Variants in ITFG1 observed in about 807,000 individuals in gnomAD.
ITFG1 encodes the protein integrin alpha FG-GAP repeat containing 1, also known as T-cell immunomodulatory protein.
In ITFG1, 34 loss-of-function variants were observed where a neutral mutation model predicts 81.8. The ratio of observed to expected loss-of-function variants is 0.42; its 90% CI spans 0.32 to 0.55. The LOEUF is 0.55. Among genes scored for constraint, ITFG1 ranks in the 20% least tolerant of loss-of-function variants. ITFG1 has a pLI of 0.17. For missense variants in ITFG1, 672 were observed against 755.4 expected (o/e 0.89, Z 1.29); for synonymous variants, 285 against 270.6 (o/e 1.05, Z -0.52).
At chr16:47,252,585 G>C (rs1244915436) in intron 12 of ITFG1, among the ~76,000 whole-genome samples, 1 of 152,202 alleles carries the variant, frequency 6.6e-6, no homozygotes, top group Non-Finnish European at 1.5e-5. Flanking sequence ...TGATTCAGGG[G>C]AGAGGGGACC....
chr16:47,188,773 G>GAA (rs112805222), intron 14 of ITFG1, among the ~76,000 whole-genome samples: 3 of 148,290 alleles, frequency 2.0e-5, no homozygotes, highest in Non-Finnish European at 3.0e-5. Flanking sequence ...AGTATAATAA[G>GAA]AAAAAAAAAA....
intron 13 of ITFG1, among the ~76,000 whole-genome samples, chr16:47,222,742 G>C (rs1044206445): frequency 6.6e-6 from 1 of 152,174 alleles, no homozygotes; most frequent in East Asian, 1.9e-4. Context: ...CTGAGTTCTA[G>C]TTTGATTGCA....
intron 10 of ITFG1, among the ~76,000 whole-genome samples, chr16:47,289,877 A>G (rs970145556): frequency 2.2e-4 from 33 of 151,802 alleles, no homozygotes; most frequent in East Asian, 3.9e-4. Flanking sequence ...CATTCCTCCA[A>G]CTAACTTGGG....
intron 10 of ITFG1, among the ~76,000 whole-genome samples, chr16:47,304,161 A>G (rs188827916): frequency 2.2e-4 from 33 of 152,344 alleles, no homozygotes; most frequent in Admixed American, 1.8e-3. Flanking sequence ...TAATCTGTGT[A>G]GTCTACAGTC....
chr16:47,451,487 A>G lies in ITFG1; in HGVS notation c.486-17T>C, dbSNP rs1227492405. Reference sequence around the variant, plus strand: ...CCATTGAAACTGAAAAAAAATTAAAACAATAAGCAGCTATTTCTTTAAATT... The same window carrying G: ...CCATTGAAACTGAAAAAAAATTAAAGCAATAAGCAGCTATTTCTTTAAATT... On this transcript the variant is annotated splice_polypyrimidine_tract_variant and intron_variant, in intron 4 of 17. Transcript: ENST00000320640. 4.6e-6 allele frequency: 6 copies of G among 1,306,036 alleles called. No individual in the cohort carries two copies. The highest frequency in any genetic ancestry group is 4.4e-5 in the African/African-American group (3 of 67,762). 80.9% of individuals were successfully genotyped at this position (1,306,036 alleles called of 1,614,324 possible). A position where few individuals can be genotyped will look rare whatever the true frequency, so the allele number is the denominator to read the frequency against.
At chr16:47,424,646 G>A (rs1358340079) in intron 6 of ITFG1, among the ~76,000 whole-genome samples, 2 of 152,158 alleles carry the variant, frequency 1.3e-5, no homozygotes, top group Non-Finnish European at 2.9e-5. Context: ...TCATGTTGAT[G>A]CTATTCCTTT....
chr16:47,239,797 G>A (rs746140436), intron 12 of ITFG1, among the ~76,000 whole-genome samples: 1 of 152,122 alleles, frequency 6.6e-6, no homozygotes, highest in East Asian at 1.9e-4. Flanking sequence ...AGTTTAGGTA[G>A]ATATTGGTAC....
intron 12 of ITFG1, among the ~76,000 whole-genome samples, chr16:47,258,179 T>A (rs1966161379): frequency 6.6e-6 from 1 of 152,202 alleles, no homozygotes; most frequent in African/African-American, 2.4e-5. Context: ...CAGGTGAACA[T>A]CATGTGCTTC....
At chr16:47,362,505 T>C (rs1298477883) in intron 8 of ITFG1, among the ~76,000 whole-genome samples, 1 of 152,260 alleles carries the variant, frequency 6.6e-6, no homozygotes, top group African/African-American at 2.4e-5. Context: ...CATTTGTTCA[T>C]CTGTTATTCA....
rs142717618 is a variant in ITFG1, at chr16:47,288,413, A to C, written c.1070+22827T>G. On this transcript the variant is annotated intron_variant, in intron 10 of 17. Transcript: ENST00000320640. ...AGAGCTGCAATAAACATGGGGGTAC[A>C]GGTATCCTTTTGATTTCCTTTCCTT... 7.5e-3 allele frequency among the ~76,000 whole-genome samples: 1,140 copies of C among 152,322 alleles called. 19 individuals are homozygous for C. The highest frequency in any genetic ancestry group is 0.026 in the African/African-American group (1,081 of 41,568).
chr16:47,248,253 C>G (rs1341973743), intron 12 of ITFG1, among the ~76,000 whole-genome samples: 2 of 152,144 alleles, frequency 1.3e-5, no homozygotes, highest in African/African-American at 4.8e-5. Context: ...CCTGAAACTT[C>G]AGAGACCAGC....
chr16:47,341,018 A>G (rs1967774469), intron 8 of ITFG1, among the ~76,000 whole-genome samples: 1 of 152,170 alleles, frequency 6.6e-6, no homozygotes. Context: ...GGAATGAAGC[A>G]AAAAAGCAAT....
At chr16:47,338,273 C>A (rs543765306) in intron 8 of ITFG1, among the ~76,000 whole-genome samples, 1 of 151,860 alleles carries the variant, frequency 6.6e-6, no homozygotes, top group African/African-American at 2.4e-5. Flanking sequence ...TGGCCAGGAG[C>A]GGTGGCAGGC....
chr16:47,363,434 A>T (rs1319552609), intron 8 of ITFG1, among the ~76,000 whole-genome samples: 4 of 151,996 alleles, frequency 2.6e-5, no homozygotes, highest in Non-Finnish European at 5.9e-5. Flanking sequence ...CAGTGGCTTG[A>T]CCACAGCTCA....
chr16:47,206,756 C>G (rs1030470306), intron 14 of ITFG1, among the ~76,000 whole-genome samples: 1 of 152,216 alleles, frequency 6.6e-6, no homozygotes, highest in Non-Finnish European at 1.5e-5. Flanking sequence ...AATGCCATCT[C>G]CTTAACACAT....
At chr16:47,408,598 A>G (rs1256531200) in intron 6 of ITFG1, among the ~76,000 whole-genome samples, 2 of 152,228 alleles carry the variant, frequency 1.3e-5, no homozygotes, top group Non-Finnish European at 2.9e-5. Context: ...TCAGGGCCAT[A>G]GTCAGAACCA....
At chr16:47,260,438 G>C (rs1213791304) in intron 11 of ITFG1, 107 bp downstream of exon 11, 2 of 1,185,926 alleles carry the variant, frequency 1.7e-6, no homozygotes, top group African/African-American at 3.1e-5. Flanking sequence ...TAACTCATTT[G>C]CTTTTTGTTG....
At chr16:47,188,918 C>A (rs183661968) in intron 14 of ITFG1, among the ~76,000 whole-genome samples, 2 of 152,214 alleles carry the variant, frequency 1.3e-5, no homozygotes, top group Admixed American at 1.3e-4. Flanking sequence ...GTGTGTGCCA[C>A]CATGCCCAGC....
chr16:47,349,840 C>G (rs948424001), intron 8 of ITFG1, among the ~76,000 whole-genome samples: 1 of 152,158 alleles, frequency 6.6e-6, no homozygotes, highest in African/African-American at 2.4e-5. Flanking sequence ...TGTAGAAGAA[C>G]AGAAATTATA....
Sources: allele counts gnomAD v4.1 joint callset (sites outside exome capture counted in the v4.1 genomes callset), GRCh38; gene constraint gnomAD v4.1.1; transcripts MANE v1.5; gene names NCBI Gene and HGNC (gene_info 2026-07-23, HGNC 2026-07-21).